TNS1: variants seen among roughly 807,000 people sequenced by gnomAD.
TNS1 encodes tensin 1.
A neutral mutation model predicts 168.6 loss-of-function variants in TNS1; 62 were observed. The ratio of observed to expected loss-of-function variants is 0.37; its 90% CI spans 0.30 to 0.45. The LOEUF is 0.45. TNS1 is among the 20% of genes least tolerant of loss of function. The pLI, the probability that TNS1 is intolerant of heterozygous loss-of-function variation, is 1.00. For synonymous variants in TNS1, 934 were observed against 933.2 expected (o/e 1.00, Z -0.02); for missense variants, 2,240 against 2,339.4 (o/e 0.96, Z 0.88).
At chr2:217,888,629 G>A (rs572152979) in intron 12 of TNS1, among the ~76,000 whole-genome samples, 51 of 152,232 alleles carry the variant, frequency 3.4e-4, no homozygotes, top group Admixed American at 2.6e-4. Context: ...TTCTATTCTC[G>A]TGGTAGTGAA....
At chr2:217,817,528 C>G (rs138373027) in intron 24 of TNS1, among the ~76,000 whole-genome samples, 162 bp downstream of exon 24, 2 of 152,334 alleles carry the variant, frequency 1.3e-5, no homozygotes, top group African/African-American at 4.8e-5. Context: ...AAGGATACCT[C>G]CAACTCTCTT....
At chr2:217,898,004 A>G (rs377465743) in intron 7 of TNS1, 35 bp from the exon 8 acceptor site, 68 of 1,563,598 alleles carry the variant, frequency 4.3e-5, no homozygotes, top group Non-Finnish European at 2.6e-6. Flanking sequence ...GGTCCATATC[A>G]GAATCCAGCC....
At chr2:217,843,133 T>TAAAA (rs111489141) in intron 19 of TNS1, among the ~76,000 whole-genome samples, 1 of 145,142 alleles carries the variant, frequency 6.9e-6, no homozygotes, top group African/African-American at 2.5e-5. Flanking sequence ...GAACAAAATG[T>TAAAA]AAAAAAAAAA....
At chr2:217,909,563 C>G (rs1954113430) in intron 4 of TNS1, among the ~76,000 whole-genome samples, 1 of 129,916 alleles carries the variant, frequency 7.7e-6, no homozygotes, top group African/African-American at 3.3e-5. Context: ...CCACAGGTGC[C>G]TGGGTGCCCA....
At chr2:217,814,806 C>G in intron 25 of TNS1, 106 bp downstream of exon 25, 2 of 877,982 alleles carry the variant, frequency 2.3e-6, no homozygotes. Context: ...TGTGATGACC[C>G]CCTGCTACAA....
At chr2:217,826,707 G>A (rs1376154214) in intron 22 of TNS1, among the ~76,000 whole-genome samples, 1 of 152,206 alleles carries the variant, frequency 6.6e-6, no homozygotes, top group Non-Finnish European at 1.5e-5. Flanking sequence ...AGCTGCATCA[G>A]AGGCTACAGG....
At chr2:217,816,282 G>A (rs1431823450) in intron 24 of TNS1, among the ~76,000 whole-genome samples, 3 of 152,164 alleles carry the variant, frequency 2.0e-5, no homozygotes, top group Non-Finnish European at 4.4e-5. Context: ...AGGGAGAACA[G>A]AAAAAGATGA....
At chr2:218,024,254 T>C (rs1482311281) in intron 1 of TNS1, among the ~76,000 whole-genome samples, 2 of 152,032 alleles carry the variant, frequency 1.3e-5, no homozygotes, top group African/African-American at 4.8e-5. Context: ...CACTTCAGGA[T>C]CAAAGGGGTC....
intron 3 of TNS1, among the ~76,000 whole-genome samples, chr2:217,954,465 T>C (rs772059723): frequency 1.3e-5 from 2 of 152,190 alleles, no homozygotes; most frequent in East Asian, 3.9e-4. Flanking sequence ...CCGGGTACTC[T>C]ATCTGGTTTA....
intron 19 of TNS1, among the ~76,000 whole-genome samples, chr2:217,837,121 G>C (rs1352791157): frequency 6.6e-6 from 1 of 152,100 alleles, no homozygotes; most frequent in Non-Finnish European, 1.5e-5. Flanking sequence ...TGGGCTTCTG[G>C]TCTTGACTCT....
intron 4 of TNS1, among the ~76,000 whole-genome samples, chr2:217,918,559 CT>C (rs1955371909): frequency 6.6e-6 from 1 of 152,324 alleles, no homozygotes; most frequent in South Asian, 2.1e-4. Context: ...AACCTATTCC[CT>C]TTTGTCCTAA....
At chr2:217,921,383 G>A (rs1243501495) in intron 3 of TNS1, among the ~76,000 whole-genome samples, 1 of 152,192 alleles carries the variant, frequency 6.6e-6, no homozygotes, top group Non-Finnish European at 1.5e-5. Context: ...CCAGCCCGGT[G>A]GAGTGGTGGC....
At chr2:217,806,009 G>T (rs1938972963) in intron 32 of TNS1, among the ~76,000 whole-genome samples, 1 of 152,194 alleles carries the variant, frequency 6.6e-6, no homozygotes, top group Non-Finnish European at 1.5e-5. Context: ...TGGTGGGGGA[G>T]CTGGGGTCCA....
At chr2:217,937,002 C>G in intron 3 of TNS1, 1 of 456,926 alleles carries the variant, frequency 2.2e-6, no homozygotes, top group Non-Finnish European at 4.4e-6. Flanking sequence ...TCTGCACATG[C>G]CTTCCCCTGT....
upstream of TNS1, among the ~76,000 whole-genome samples, chr2:218,006,886 C>G (rs1292659115): frequency 6.6e-6 from 1 of 152,166 alleles, no homozygotes; most frequent in Non-Finnish European, 1.5e-5. Flanking sequence ...TCTCAGGGCA[C>G]CGCTAGCCTA....
intron 4 of TNS1, among the ~76,000 whole-genome samples, chr2:217,918,294 G>A (rs536537321): frequency 1.7e-4 from 26 of 152,326 alleles, no homozygotes; most frequent in Non-Finnish European, 3.1e-4. Context: ...ACCAGGGAGC[G>A]GGGGAGCTGG....
Position 217,804,405 on chromosome 2 carries a change from C to T in TNS1, c.*54G>A. 1 of 1,605,744 alleles carries T rather than the reference C, an allele frequency of 6.2e-7. No homozygotes were observed. The highest frequency in any genetic ancestry group is 8.5e-7 in the Non-Finnish European group (1 of 1,175,422). ...TCAAGAGTGGTCAGGATTCATGGGT[C>T]CCCTCCCCACAAGCCCCTTCCCCAT... On this transcript the variant is annotated 3_prime_UTR_variant, in exon 33 of 33. Coordinates refer to ENST00000682258, the MANE Select transcript of TNS1 (RefSeq NM_001387777.1).
intron 3 of TNS1, among the ~76,000 whole-genome samples, chr2:217,952,008 C>G (rs1357892612): frequency 6.6e-6 from 1 of 152,264 alleles, no homozygotes; most frequent in Non-Finnish European, 1.5e-5. Flanking sequence ...CCAGGCAGAA[C>G]ATGAACACAG....
intron 12 of TNS1, among the ~76,000 whole-genome samples, chr2:217,888,757 C>T (rs1033284228): frequency 5.9e-5 from 9 of 152,210 alleles, no homozygotes; most frequent in Non-Finnish European, 1.2e-4. Context: ...GATTGTGAGA[C>T]CTCCCCAGCC....
Sources: gnomAD v4.1 joint callset for allele counts (sites outside exome capture counted in the v4.1 genomes callset) on GRCh38, gnomAD v4.1.1 for gene constraint, MANE v1.5 for transcripts, NCBI Gene and HGNC (gene_info 2026-07-23, HGNC 2026-07-21) for gene names.